INVS: variants seen among roughly 807,000 people sequenced by gnomAD.
INVS encodes the protein inversin.
INVS carries 86 observed loss-of-function variants against 108.8 expected under a neutral mutation model. The ratio of observed to expected loss-of-function variants is 0.79; its 90% confidence interval spans 0.66 to 0.95. The LOEUF is 0.95. Among genes scored for constraint, INVS ranks in the 40% least tolerant of loss-of-function variants. The pLI is 0.00. For missense variants in INVS, 1,169 were observed against 1,297.4 expected (o/e 0.90, Z 1.52); for synonymous variants, 455 against 473.5 (o/e 0.96, Z 0.51).
At chr9:100,230,405 A>T (rs7033459) in intron 5 of INVS, among the ~76,000 whole-genome samples, 26,951 of 152,106 alleles carry the variant, frequency 0.18, 3,638 homozygotes, top group African/African-American at 0.38. Flanking sequence ...ATTGCTCAGT[A>T]TTTAAAGGTT....
rs1453191793 is a variant in INVS, at chr9:100,292,511, G to A, written c.2254G>A (p.Gly752Arg). Reference protein sequence around the residue: ...VKQPSCIRVAGPDEKGEDSRR... With the variant: ...VKQPSCIRVARPDEKGEDSRR... ...GCAGCCCTCCTGTATCAGGGTGGCT[G>A]GGCCTGATGAGAAAGGAGAGGACTC... The change falls in exon 14 of 17, where the codon GGG becomes AGG. Residue 752 changes from glycine (G) to arginine (R), a missense_variant. Around this residue, in one of 3 missense-constraint regions of INVS, gnomAD observed 533 missense variants for 536.0 expected, o/e 0.99. Coordinates refer to ENST00000262457, the MANE Select transcript of INVS (RefSeq NM_014425.5). 6.2e-7 allele frequency: 1 copy of A among 1,614,146 alleles called. No homozygotes were observed. Among genetic ancestry groups the A allele is most frequent in the Admixed American group, 1.7e-5 (1 of 60,014 alleles).
chr9:100,173,191 A>G (rs1829599948), intron 3 of INVS, among the ~76,000 whole-genome samples: 1 of 152,212 alleles, frequency 6.6e-6, no homozygotes, highest in Non-Finnish European at 1.5e-5. Context: ...GATAACATTT[A>G]TAAACTCTGA....
intron 3 of INVS, among the ~76,000 whole-genome samples, chr9:100,188,635 C>CTTTTTTT (rs11309021): frequency 7.8e-6 from 1 of 128,270 alleles, no homozygotes. Flanking sequence ...TAGTTTCTTT[C>CTTTTTTT]TTTTTTTTTT....
chr9:100,272,159 C>T (rs770453565), intron 11 of INVS, among the ~76,000 whole-genome samples: 1 of 152,206 alleles, frequency 6.6e-6, no homozygotes, highest in African/African-American at 2.4e-5. Flanking sequence ...TGAGCCTCTG[C>T]GCCCAGCCCT....
intron 10 of INVS, 24 bp downstream of exon 10, chr9:100,253,160 T>C (rs1470147973): frequency 6.4e-7 from 1 of 1,555,976 alleles, no homozygotes; most frequent in Non-Finnish European, 8.9e-7. Context: ...CTTTTCTATA[T>C]TGTTTGCTCC....
At chr9:100,111,566 C>T (rs1463701941) in intron 2 of INVS, among the ~76,000 whole-genome samples, 1 of 152,244 alleles carries the variant, frequency 6.6e-6, no homozygotes, top group African/African-American at 2.4e-5. Flanking sequence ...TAGCACAACA[C>T]AGCACAGTAG....
intron 1 of INVS, chr9:100,101,787 T>C (rs894360323): frequency 1.3e-5 from 2 of 152,168 alleles, no homozygotes; most frequent in African/African-American, 4.8e-5. Context: ...ATGGCAGCAA[T>C]TAACTGGAGC....
intron 3 of INVS, among the ~76,000 whole-genome samples, chr9:100,143,834 G>A (rs1828511638): frequency 6.6e-6 from 1 of 152,148 alleles, no homozygotes; most frequent in Non-Finnish European, 1.5e-5. Context: ...AGGTAATGTG[G>A]AGTGGGTAGC....
At chr9:100,292,220 A>G (rs761781304) in intron 13 of INVS, 106 bp from the exon 14 acceptor site, 18 of 1,013,010 alleles carry the variant, frequency 1.8e-5, no homozygotes, top group Non-Finnish European at 2.2e-5. Context: ...AACTGCCACT[A>G]TTATGGTGAT....
intron 10 of INVS, among the ~76,000 whole-genome samples, chr9:100,259,085 G>A (rs992824852): frequency 2.6e-5 from 4 of 152,148 alleles, no homozygotes; most frequent in Non-Finnish European, 4.4e-5. Flanking sequence ...CTTCCTGGCC[G>A]GCCGCTTTGT....
chr9:100,278,501 G>A (rs947013362), intron 12 of INVS, among the ~76,000 whole-genome samples: 1 of 152,100 alleles, frequency 6.6e-6, no homozygotes, highest in African/African-American at 2.4e-5. Flanking sequence ...TCCCTGACTC[G>A]ATTGTCAGTT....
At chr9:100,195,202 A>G (rs1221521319) in intron 3 of INVS, among the ~76,000 whole-genome samples, 2 of 152,316 alleles carry the variant, frequency 1.3e-5, no homozygotes, top group South Asian at 2.1e-4. Context: ...TAAATGATAC[A>G]CTGATTGAGG....
chr9:100,129,476 G>A (rs1827990719), intron 3 of INVS, among the ~76,000 whole-genome samples: 1 of 151,692 alleles, frequency 6.6e-6, no homozygotes, highest in Non-Finnish European at 1.5e-5. Flanking sequence ...CTGGGGGACT[G>A]GAGTGAGACC....
intron 3 of INVS, among the ~76,000 whole-genome samples, chr9:100,200,433 A>C (rs914907105): frequency 2.0e-5 from 3 of 151,944 alleles, no homozygotes; most frequent in African/African-American, 7.3e-5. Context: ...AAGAATGTTG[A>C]CTTTTTGTTT....
intron 3 of INVS, among the ~76,000 whole-genome samples, chr9:100,182,794 A>T (rs190734787): frequency 7.7e-4 from 117 of 152,194 alleles, no homozygotes; most frequent in African/African-American, 2.5e-3. Flanking sequence ...TGCCCAAAGG[A>T]TTATAAATCA....
chr9:100,100,604 A>AAT (rs1554712389), intron 1 of INVS, among the ~76,000 whole-genome samples: 48 of 90,784 alleles, frequency 5.3e-4, no homozygotes, highest in African/African-American at 1.4e-3. Flanking sequence ...ATGTACATAT[A>AAT]ATATATATAA....
At chr9:100,214,288 C>T (rs373355069) in intron 3 of INVS, among the ~76,000 whole-genome samples, 27 of 152,260 alleles carry the variant, frequency 1.8e-4, no homozygotes, top group Non-Finnish European at 2.5e-4. Flanking sequence ...TTTAGACTGA[C>T]ATGCTAATCT....
At chr9:100,175,460 G>A (rs1018050193) in intron 3 of INVS, 7 of 878,288 alleles carry the variant, frequency 8.0e-6, no homozygotes, top group Non-Finnish European at 1.9e-6. Context: ...CCACCCAGCT[G>A]TGTGTACTCA....
At position 100,296,959 on chromosome 9, in the gene INVS, G is replaced by A. The variant is rs750892384; in HGVS notation, c.2829G>A (p.Lys943=). 6.2e-7 allele frequency: 1 copy of A among 1,614,120 alleles called. No individual in the cohort carries two copies. Among genetic ancestry groups the A allele is most frequent in the South Asian group, 1.1e-5 (1 of 91,078 alleles). ...RKHLSHLRHM[K]QLGAGDVDRW... ...ACCTGTCCCACCTTCGGCATATGAAGCAGCTTGGAGCTGGAGATGTGGACA... is the reference window on the plus strand; with the variant it reads ...ACCTGTCCCACCTTCGGCATATGAAACAGCTTGGAGCTGGAGATGTGGACA... Residue 943 remains lysine (K), a synonymous_variant, in exon 15 of 17, where the codon AAG becomes AAA. Transcript: ENST00000262457.
Sources: gnomAD v4.1 joint callset for allele counts (sites outside exome capture counted in the v4.1 genomes callset) on GRCh38, gnomAD v4.1.1 for gene constraint, gnomAD v4.1.1 regional missense constraint, MANE v1.5 for transcripts, NCBI Gene and HGNC (gene_info 2026-07-23, HGNC 2026-07-21) for gene names.